The following DESI2 variants were observed in gnomAD, a reference collection of about 807,000 sequenced individuals.
DESI2 encodes desumoylating isopeptidase 2, also known as deubiquitinase DESI2.
Under a neutral mutation model 24.1 loss-of-function variants are expected in DESI2, and 10 were observed. That is an observed-to-expected ratio of 0.41 (90% CI 0.26 to 0.70). The LOEUF is 0.70. Among genes scored for constraint, DESI2 ranks in the 30% least tolerant of loss-of-function variants. DESI2 has a pLI of 0.29. For synonymous variants in DESI2, 71 were observed against 87.7 expected (o/e 0.81, Z 1.06); for missense variants, 122 against 234.9 (o/e 0.52, Z 3.14).
chr1:244,668,068 T>C (rs1005215244), intron 1 of DESI2, among the ~76,000 whole-genome samples: 13 of 152,258 alleles, frequency 8.5e-5, no homozygotes, highest in Non-Finnish European at 1.3e-4. Flanking sequence ...TTAACACTTA[T>C]CAAATTGTGA....
At chr1:244,704,903 C>T (rs1187593874) in intron 4 of DESI2, among the ~76,000 whole-genome samples, 5 of 152,118 alleles carry the variant, frequency 3.3e-5, no homozygotes, top group Admixed American at 1.3e-4. Flanking sequence ...CGTAATTCAC[C>T]GGCCTCAGCC....
At chr1:244,687,616 G>A (rs917833889) in intron 2 of DESI2, among the ~76,000 whole-genome samples, 1 of 152,136 alleles carries the variant, frequency 6.6e-6, no homozygotes, top group South Asian at 2.1e-4. Context: ...CAGTATGGTG[G>A]TTATACTCTT....
intron 1 of DESI2, among the ~76,000 whole-genome samples, chr1:244,668,424 T>C (rs1676124604): frequency 1.3e-5 from 2 of 152,174 alleles, no homozygotes; most frequent in Non-Finnish European, 2.9e-5. Flanking sequence ...ATATGGGGCT[T>C]TTTAAAAACT....
chr1:244,688,141 C>T (rs1187543866), intron 2 of DESI2, among the ~76,000 whole-genome samples: 1 of 152,112 alleles, frequency 6.6e-6, no homozygotes, highest in Non-Finnish European at 1.5e-5. Context: ...AAAACATGTT[C>T]ATGTAAATTT....
At chr1:244,694,973 G>A (rs961113177) in intron 4 of DESI2, among the ~76,000 whole-genome samples, 1 of 152,198 alleles carries the variant, frequency 6.6e-6, no homozygotes. Context: ...TTGAGGAAAC[G>A]TTATCTTACA....
chr1:244,705,117 A>G (rs1677643834), intron 4 of DESI2, among the ~76,000 whole-genome samples: 1 of 152,200 alleles, frequency 6.6e-6, no homozygotes, highest in African/African-American at 2.4e-5. Context: ...AAAGTCAAAA[A>G]GAATCTGTGA....
chr1:244,663,573 T>C (rs1328430838), intron 1 of DESI2, among the ~76,000 whole-genome samples: 8 of 152,192 alleles, frequency 5.3e-5, no homozygotes, highest in African/African-American at 9.7e-5. Context: ...TCTCTTTGCT[T>C]ATACCAAAGG....
chr1:244,673,985 GTCTCT>G (rs1461802948), intron 1 of DESI2, among the ~76,000 whole-genome samples: 1 of 123,312 alleles, frequency 8.1e-6, no homozygotes, highest in Admixed American at 1.1e-4. Flanking sequence ...CTTTACTTCT[GTCTCT>G]TTTTTTTTTT....
At position 244,692,017 on chromosome 1, in the gene DESI2, A is replaced by C. The variant is rs147817191; in HGVS notation, c.348A>C (p.Ser116=). ...GCAATCATTTTTCTTCAGCTTTATC[A>C]GAGGTAAGCTAAATTTTATCCTAAA... The part of the protein sequence containing the change: ...KNCNHFSSAL[S]EILCGKEIPR... Residue 116 remains serine, a synonymous_variant, in exon 4 of 5, where the codon TCA becomes TCC. Transcript: ENST00000302550. 2.5e-6 allele frequency: 4 copies of C among 1,590,530 alleles called. No homozygotes were observed. Among genetic ancestry groups the C allele is most frequent in the Non-Finnish European group, 3.4e-6 (4 of 1,173,722 alleles).
At chr1:244,694,523 T>G (rs1677142911) in intron 4 of DESI2, 3 of 773,938 alleles carry the variant, frequency 3.9e-6, no homozygotes, top group Non-Finnish European at 4.7e-6. Context: ...CTACAATTTT[T>G]AGGTGCCTCA....
At chr1:244,690,504 G>A (rs1028697885) in intron 3 of DESI2, among the ~76,000 whole-genome samples, 2 of 152,088 alleles carry the variant, frequency 1.3e-5, no homozygotes, top group African/African-American at 2.4e-5. Flanking sequence ...TCAGGAGTTC[G>A]AGATCAGCCT....
chr1:244,672,796 G>C (rs1379487090), intron 1 of DESI2, among the ~76,000 whole-genome samples: 2 of 152,080 alleles, frequency 1.3e-5, no homozygotes, highest in African/African-American at 4.8e-5. Flanking sequence ...AGAATCGCTT[G>C]AACTCGGGAA....
chr1:244,657,002 T>A (rs1210499785), intron 1 of DESI2, among the ~76,000 whole-genome samples: 2 of 152,194 alleles, frequency 1.3e-5, no homozygotes, highest in East Asian at 3.9e-4. Flanking sequence ...CAAATTCCTG[T>A]CCTCAAGTGA....
intron 4 of DESI2, among the ~76,000 whole-genome samples, chr1:244,692,523 A>T (rs1395846276): frequency 6.6e-6 from 1 of 152,172 alleles, no homozygotes; most frequent in Non-Finnish European, 1.5e-5. Context: ...TATAAAAAGA[A>T]AATGGAGGAA....
intron 1 of DESI2, among the ~76,000 whole-genome samples, chr1:244,677,155 TTAG>T (rs1406484493): frequency 1.3e-5 from 2 of 152,266 alleles, no homozygotes; most frequent in Middle Eastern, 3.4e-3. Context: ...CTTGTTTAAT[TTAG>T]TAGAATTTGC....
intron 1 of DESI2, among the ~76,000 whole-genome samples, chr1:244,659,889 T>C (rs1675778624): frequency 6.6e-6 from 1 of 152,200 alleles, no homozygotes; most frequent in Non-Finnish European, 1.5e-5. Context: ...CGACTTGGCA[T>C]AGAATAAATA....
intron 1 of DESI2, among the ~76,000 whole-genome samples, chr1:244,661,604 C>G (rs1355627771): frequency 1.3e-5 from 2 of 151,994 alleles, no homozygotes; most frequent in Non-Finnish European, 2.9e-5. Flanking sequence ...GTTCCCCTTC[C>G]TGTGTCCAAG....
chr1:244,702,923 A>G (rs1197962582), intron 4 of DESI2, among the ~76,000 whole-genome samples: 2 of 152,044 alleles, frequency 1.3e-5, no homozygotes, highest in South Asian at 2.1e-4. Context: ...CATGACTTAC[A>G]TGATTAACCT....
At chr1:244,697,374 T>C (rs922971866) in intron 4 of DESI2, among the ~76,000 whole-genome samples, 4 of 150,944 alleles carry the variant, frequency 2.6e-5, no homozygotes, top group Non-Finnish European at 4.4e-5. Flanking sequence ...GCCTGGTGTG[T>C]GGCACACACC....
Sources: gnomAD v4.1 joint callset for allele counts (sites outside exome capture counted in the v4.1 genomes callset) on GRCh38, gnomAD v4.1.1 for gene constraint, MANE v1.5 for transcripts, NCBI Gene and HGNC (gene_info 2026-07-23, HGNC 2026-07-21) for gene names.